The following RPRD2 variants were observed in gnomAD, a reference collection of about 807,000 sequenced individuals.
RPRD2 encodes regulation of nuclear pre-mRNA domain-containing protein 2.
In RPRD2, 12 loss-of-function variants were observed where a neutral mutation model predicts 104.4. That is an observed-to-expected ratio of 0.11 (90% CI 0.07 to 0.19). The LOEUF (loss-of-function observed/expected upper bound fraction) is 0.19, where lower values mean the gene tolerates loss of function less well. Among genes scored for constraint, RPRD2 ranks in the 10% least tolerant of loss-of-function variants. The pLI is 1.00. For missense variants in RPRD2, 1,543 were observed against 1,790.1 expected (o/e 0.86, Z 2.49); for synonymous variants, 714 against 684.9 (o/e 1.04, Z -0.66).
intron 1 of RPRD2, among the ~76,000 whole-genome samples, chr1:150,412,918 G>T (rs587716442): frequency 1.4e-4 from 21 of 151,896 alleles, no homozygotes; most frequent in African/African-American, 5.1e-4. Flanking sequence ...ATATAAAATC[G>T]CATCCTTTGG....
intron 1 of RPRD2, among the ~76,000 whole-genome samples, chr1:150,400,223 A>T (rs1227654145): frequency 1.3e-5 from 2 of 152,186 alleles, no homozygotes; most frequent in Non-Finnish European, 2.9e-5. Flanking sequence ...GGTATCCTGC[A>T]ACCTTACTAA....
chr1:150,411,032 A>T (rs1382569950), intron 1 of RPRD2, among the ~76,000 whole-genome samples: 2 of 151,832 alleles, frequency 1.3e-5, no homozygotes, highest in East Asian at 1.9e-4. Context: ...CTAACTTAAA[A>T]TTTTTTTTTG....
chr1:150,415,361 T>C (rs1317139089), intron 1 of RPRD2, among the ~76,000 whole-genome samples: 1 of 150,946 alleles, frequency 6.6e-6, no homozygotes, highest in Non-Finnish European at 1.5e-5. Flanking sequence ...AATAAGTAAA[T>C]ACAAATAAGA....
Position 150,472,926 on chromosome 1 carries a change from G to A in RPRD2, c.3978G>A (p.Lys1326=), listed in dbSNP as rs760702385. 26 of 1,613,500 alleles carry A rather than the reference G, an allele frequency of 1.6e-5. No homozygotes were observed. In the South Asian group the frequency reaches 2.6e-4, roughly 16 times the overall value. The change falls in exon 11 of 11, where the codon AAG becomes AAA. Residue 1326 remains lysine (K), a synonymous_variant. Transcript: ENST00000369068. ...GVAGAVAVFP[K]DHSSLLQGTL... is the part of the protein sequence containing the mutation. ...CAGGGGCTGTGGCAGTATTTCCCAAGGACCATAGTTCCCTCCTTCAAGGGA... is the reference window on the plus strand; with the variant it reads ...CAGGGGCTGTGGCAGTATTTCCCAAAGACCATAGTTCCCTCCTTCAAGGGA...
rs753217532 is a variant in RPRD2, at chr1:150,471,378, A to G, written c.2430A>G (p.Pro810=). The part of the protein sequence containing the change: ...YKQPSDGMER[P]SSLMDSSQEK... ...AGCCTTCTGATGGAATGGAGAGACC[A>G]TCTTCCCTGATGGACTCTTCACAGG... The change falls in exon 11 of 11, where the codon CCA becomes CCG. Residue 810 remains proline (P), a synonymous_variant. Coordinates refer to ENST00000369068, the MANE Select transcript of RPRD2 (RefSeq NM_015203.5). The surrounding 1 kb of genome is among the most constrained non-coding windows in gnomAD (Gnocchi z 5.3). 62 of 1,613,780 alleles carry G rather than the reference A, an allele frequency of 3.8e-5. No individual in the cohort carries two copies. Among genetic ancestry groups the G allele is most frequent in the Admixed American group, 1.0e-4 (6 of 59,980 alleles).
In RPRD2 at chr1:150,470,940, C is replaced by T. The variant is rs976814334; in HGVS notation, c.1992C>T (p.Thr664=). The T allele has an allele frequency of 6.2e-7, 1 of 1,614,012 alleles. No individual in the cohort carries two copies. Among genetic ancestry groups the T allele is most frequent in the Non-Finnish European group, 8.5e-7 (1 of 1,179,904 alleles). ...VSKPKLESES[T]SPSLEMKIHN... ...AGCCAAAGCTGGAGTCAGAGTCCACCTCCCCAAGCCTGGAAATGAAGATTC... is the reference window on the plus strand; with the variant it reads ...AGCCAAAGCTGGAGTCAGAGTCCACTTCCCCAAGCCTGGAAATGAAGATTC... The change falls in exon 11 of 11, where the codon ACC becomes ACT. Residue 664 remains threonine, a synonymous_variant. Transcript: ENST00000369068.
At chr1:150,436,570 G>A (rs781901292) in intron 2 of RPRD2, among the ~76,000 whole-genome samples, 2 of 150,778 alleles carry the variant, frequency 1.3e-5, no homozygotes, top group African/African-American at 2.4e-5. Flanking sequence ...CTGCACTCCA[G>A]CCTGGGCAAC....
chr1:150,408,808 T>G (rs587684291), intron 1 of RPRD2: 2 of 152,358 alleles, frequency 1.3e-5, no homozygotes, highest in Admixed American at 6.5e-5. Flanking sequence ...AAATAACATT[T>G]TTGTCCATGT....
At chr1:150,467,014 G>A (rs1668324871) in intron 10 of RPRD2, among the ~76,000 whole-genome samples, 1 of 152,184 alleles carries the variant, frequency 6.6e-6, no homozygotes, top group African/African-American at 2.4e-5. Flanking sequence ...TAGAGGCCAG[G>A]AGGATGCTCC....
At chr1:150,404,532 G>A (rs960112979) in intron 1 of RPRD2, among the ~76,000 whole-genome samples, 10 of 152,216 alleles carry the variant, frequency 6.6e-5, no homozygotes, top group African/African-American at 2.2e-4. Context: ...TTACAGGTGT[G>A]AGCCACCACA....
intron 10 of RPRD2, among the ~76,000 whole-genome samples, chr1:150,469,065 A>G (rs902091286): frequency 6.6e-5 from 10 of 152,218 alleles, no homozygotes; most frequent in African/African-American, 2.4e-4. Context: ...TTAGAAATAA[A>G]TGGCTTTAAA....
chr1:150,364,954 G>A lies in RPRD2; in HGVS notation c.205+35G>A, dbSNP rs782779467. 2.5e-6 allele frequency: 4 copies of A among 1,605,578 alleles called. No individual in the cohort carries two copies. In the Admixed American group the frequency reaches 6.8e-5, roughly 27 times the overall value. On this transcript the variant is annotated intron_variant, in intron 1 of 10. Transcript: ENST00000369068. ...GGGGGTGACTAGGGAAGGGAAGACT[G>A]GGGAAATGGAAGGAAGTGTGGCCTG...
chr1:150,419,779 G>A (rs1553889283), intron 2 of RPRD2, among the ~76,000 whole-genome samples: 4 of 152,086 alleles, frequency 2.6e-5, no homozygotes, highest in African/African-American at 9.7e-5. Context: ...ACAGGCATGC[G>A]CCACCACGCC....
chr1:150,464,450 C>A, intron 9 of RPRD2, 77 bp from the exon 10 acceptor site: 3 of 1,078,252 alleles, frequency 2.8e-6, no homozygotes, highest in Non-Finnish European at 2.7e-6. Context: ...ATATCAAACT[C>A]ATTGAAGTGA....
chr1:150,449,257 C>G (rs1282162712), intron 7 of RPRD2, among the ~76,000 whole-genome samples: 1 of 152,134 alleles, frequency 6.6e-6, no homozygotes, highest in African/African-American at 2.4e-5. Flanking sequence ...TTCTAAGTTG[C>G]ATCCCATGAG....
chr1:150,458,395 A>G (rs887570762), intron 8 of RPRD2, among the ~76,000 whole-genome samples: 6 of 151,808 alleles, frequency 4.0e-5, no homozygotes, highest in South Asian at 2.1e-4. Flanking sequence ...CGGAGGTTGC[A>G]GTGAGCCAAG....
chr1:150,392,944 C>T (rs1553883434), intron 1 of RPRD2, among the ~76,000 whole-genome samples: 1 of 151,932 alleles, frequency 6.6e-6, no homozygotes, highest in African/African-American at 2.4e-5. Flanking sequence ...AAAAGCACAA[C>T]ATAAAATGAT....
rs587769849 is a variant in RPRD2, at chr1:150,381,531, G to A, written c.205+16612G>A. On this transcript the variant is annotated intron_variant, in intron 1 of 10. Transcript: ENST00000369068. ...TTTTTTTTTTTTTTTTTGAGACAGG[G>A]TCTTGCTCTATCGCCCAGGCTGGAG... 4.8e-4 allele frequency among the ~76,000 whole-genome samples: 72 copies of A among 150,238 alleles called. 1 individual carries two copies. Among genetic ancestry groups the A allele is most frequent in the African/African-American group, 1.7e-3 (71 of 40,972 alleles).
chr1:150,428,454 CAAAAAAAAA>C (rs34596290), intron 2 of RPRD2, among the ~76,000 whole-genome samples: 7 of 71,270 alleles, frequency 9.8e-5, no homozygotes, highest in African/African-American at 3.2e-4. Flanking sequence ...GACTCTGTCT[CAAAAAAAAA>C]AAAAAAAAAA....
Sources: allele counts gnomAD v4.1 joint callset (sites outside exome capture counted in the v4.1 genomes callset), GRCh38; gene constraint gnomAD v4.1.1; non-coding constraint Gnocchi (gnomAD v3.1); transcripts MANE v1.5; gene names NCBI Gene and HGNC (gene_info 2026-07-23, HGNC 2026-07-21).